The following KCNAB1 variants were observed in gnomAD, a reference collection of about 807,000 sequenced individuals.
KCNAB1 encodes voltage-gated potassium channel subunit beta-1.
In KCNAB1, 35 loss-of-function variants were observed where a neutral mutation model predicts 64.6. That is an observed-to-expected ratio of 0.54 (90% CI 0.41 to 0.72). The LOEUF (loss-of-function observed/expected upper bound fraction) is 0.72, where lower values mean the gene tolerates loss of function less well. KCNAB1 is among the 30% of genes least tolerant of loss of function. KCNAB1 has a pLI of 0.00. For synonymous variants in KCNAB1, 177 were observed against 183.8 expected (o/e 0.96, Z 0.30); for missense variants, 401 against 512.9 (o/e 0.78, Z 2.11).
chr3:156,387,146 G>A (rs980026926), intron 1 of KCNAB1, among the ~76,000 whole-genome samples: 1 of 151,912 alleles, frequency 6.6e-6, no homozygotes, highest in East Asian at 1.9e-4. Flanking sequence ...TGGCCAGGGT[G>A]ATTGACACAG....
At chr3:156,221,778 C>T (rs184326935) in intron 1 of KCNAB1, among the ~76,000 whole-genome samples, 8 of 146,842 alleles carry the variant, frequency 5.4e-5, no homozygotes, top group African/African-American at 1.7e-4. Flanking sequence ...AACTCCATCC[C>T]CCCCCGCCAA....
intron 1 of KCNAB1, among the ~76,000 whole-genome samples, chr3:156,397,754 A>T (rs1423901942): frequency 2.0e-5 from 3 of 152,116 alleles, no homozygotes; most frequent in African/African-American, 4.8e-5. Flanking sequence ...CCTTATATCC[A>T]TTCTACTCAT....
chr3:156,531,441 G>C lies in KCNAB1; in HGVS notation c.1114G>C (p.Val372Leu). 1.2e-6 allele frequency: 2 copies of C among 1,614,112 alleles called. No homozygotes were observed. Among genetic ancestry groups the C allele is most frequent in the South Asian group, 2.2e-5 (2 of 91,086 alleles). The change falls in exon 13 of 14, where the codon GTG becomes CTG. Residue 372 changes from valine to leucine, a missense_variant. Coordinates refer to ENST00000490337, the MANE Select transcript of KCNAB1 (RefSeq NM_172160.3). ...WCLRNEGVSS[V>L]LLGSSTPEQL... ...CCTGAGAAATGAAGGTGTGAGTTCT[G>C]TGCTCCTGGGATCATCCACTCCTGA...
chr3:156,211,351 GCA>G (rs1560138456), intron 1 of KCNAB1, among the ~76,000 whole-genome samples: 1 of 152,152 alleles, frequency 6.6e-6, no homozygotes, highest in African/African-American at 2.4e-5. Context: ...ATAATTATCT[GCA>G]ATGGTTAATA....
intron 1 of KCNAB1, among the ~76,000 whole-genome samples, chr3:156,244,288 C>A (rs776715422): frequency 6.6e-6 from 1 of 152,192 alleles, no homozygotes; most frequent in Non-Finnish European, 1.5e-5. Flanking sequence ...AAGTGCATCA[C>A]TCCAACCTCC....
Position 156,270,889 on chromosome 3 carries a change from A to C in KCNAB1, c.275+150003A>C, listed in dbSNP as rs74927207. ...GACAGGACTGATGATGAAATCTCTCAGCTTTTATTTGTCTGGGGAAGTCTT... is the reference window on the plus strand; with the variant it reads ...GACAGGACTGATGATGAAATCTCTCCGCTTTTATTTGTCTGGGGAAGTCTT... On this transcript the variant is annotated intron_variant, in intron 1 of 13. Coordinates refer to ENST00000490337, the MANE Select transcript of KCNAB1 (RefSeq NM_172160.3). Among the ~76,000 whole-genome samples the C allele has an allele frequency of 9.2e-3, 1,400 of 152,268 alleles. 24 individuals carry two copies. The highest frequency in any genetic ancestry group is 0.032 in the African/African-American group (1,340 of 41,562).
At chr3:156,454,233 G>A (rs1712219664) in intron 3 of KCNAB1, among the ~76,000 whole-genome samples, 1 of 152,208 alleles carries the variant, frequency 6.6e-6, no homozygotes, top group South Asian at 2.1e-4. Context: ...TCAGCACAGG[G>A]CAGGGAAGAA....
At chr3:156,436,752 T>C (rs1214883798) in intron 2 of KCNAB1, among the ~76,000 whole-genome samples, 1 of 152,252 alleles carries the variant, frequency 6.6e-6, no homozygotes, top group Admixed American at 6.5e-5. Context: ...TGCCCACTTT[T>C]TAATGGGGTT....
chr3:156,310,079 T>C (rs960752680), intron 1 of KCNAB1, among the ~76,000 whole-genome samples: 1 of 152,124 alleles, frequency 6.6e-6, no homozygotes, highest in African/African-American at 2.4e-5. Context: ...CAATTTAATA[T>C]AAAGAAGCAA....
chr3:156,366,973 T>C (rs1310012054), intron 1 of KCNAB1, among the ~76,000 whole-genome samples: 3 of 152,124 alleles, frequency 2.0e-5, no homozygotes, highest in African/African-American at 4.8e-5. Flanking sequence ...CCCGGGACTA[T>C]TGCAAAAAAC....
At chr3:156,287,361 A>G (rs1374221232) in intron 1 of KCNAB1, among the ~76,000 whole-genome samples, 1 of 151,884 alleles carries the variant, frequency 6.6e-6, no homozygotes, top group Non-Finnish European at 1.5e-5. Flanking sequence ...AAAAAAAAAA[A>G]AAAAAAACTA....
chr3:156,220,443 T>C (rs1359162603), intron 1 of KCNAB1, among the ~76,000 whole-genome samples: 1 of 152,262 alleles, frequency 6.6e-6, no homozygotes, highest in East Asian at 1.9e-4. Flanking sequence ...CATTGTGGTT[T>C]TGATTTGCAT....
rs998837845 is a variant in KCNAB1 at position 156,259,899 on chromosome 3, G to A, written c.275+139013G>A. Among the ~76,000 whole-genome samples, 4 of 152,136 alleles carry A rather than the reference G, an allele frequency of 2.6e-5. No individual in the cohort carries two copies. The South Asian group carries it at 8.3e-4, about 32-fold the overall frequency. On this transcript the variant is annotated intron_variant, in intron 1 of 13. Coordinates refer to ENST00000490337, the MANE Select transcript of KCNAB1 (RefSeq NM_172160.3). ...GCCTCTGCAGCCATTCTCCACTATT[G>A]CTGCTCTGCCATCTCTGCGTGCCAT...
intron 1 of KCNAB1, among the ~76,000 whole-genome samples, chr3:156,210,133 G>A (rs73012228): frequency 0.022 from 3,373 of 152,242 alleles, 149 homozygotes; most frequent in African/African-American, 0.077. Context: ...AGAAGCACAG[G>A]CTGAGACTGT....
rs191892835 is a variant in KCNAB1 at position 156,371,637 on chromosome 3, A to C, written c.276-49979A>C. Among the ~76,000 whole-genome samples the C allele has an allele frequency of 2.0e-3, 307 of 152,276 alleles. 2 individuals are homozygous for C. The highest frequency in any genetic ancestry group is 2.4e-3 in the Non-Finnish European group (164 of 68,000). On this transcript the variant is annotated intron_variant, in intron 1 of 13. Transcript: ENST00000490337. ...AGGGGGCTCAGGGTACATTTTTTTC[A>C]TGTGAAAAAGAAACCAGAGGAATTG...
chr3:156,393,496 T>C (rs1713197972), intron 1 of KCNAB1, among the ~76,000 whole-genome samples: 3 of 152,158 alleles, frequency 2.0e-5, no homozygotes, highest in African/African-American at 2.4e-5. Flanking sequence ...AGCAATGATA[T>C]GCACCCCTCA....
intron 1 of KCNAB1, among the ~76,000 whole-genome samples, chr3:156,363,878 C>G (rs1183318448): frequency 6.6e-6 from 1 of 152,218 alleles, no homozygotes; most frequent in South Asian, 2.1e-4. Flanking sequence ...AAACTGATGA[C>G]TAGAAAGCTC....
chr3:156,425,728 C>T (rs927149644), intron 2 of KCNAB1, among the ~76,000 whole-genome samples: 1 of 152,152 alleles, frequency 6.6e-6, no homozygotes, highest in South Asian at 2.1e-4. Context: ...GAGCATGGAG[C>T]CTGCCCTCAA....
chr3:156,421,027 TTAAAA>T (rs1358879759), intron 1 of KCNAB1, among the ~76,000 whole-genome samples: 1 of 149,792 alleles, frequency 6.7e-6, no homozygotes, highest in Non-Finnish European at 1.5e-5. Context: ...TAGGATATAG[TTAAAA>T]TAACCTAAAA....
Sources: gnomAD v4.1 joint callset for allele counts (sites outside exome capture counted in the v4.1 genomes callset) on GRCh38, gnomAD v4.1.1 for gene constraint, MANE v1.5 for transcripts, NCBI Gene and HGNC (gene_info 2026-07-23, HGNC 2026-07-21) for gene names.